The following KALRN variants were observed in gnomAD, a reference collection of about 807,000 sequenced individuals.
The protein encoded by KALRN is kalirin.
A neutral mutation model predicts 353.7 loss-of-function variants in KALRN; 70 were observed. The ratio of observed to expected loss-of-function variants is 0.20; its 90% CI spans 0.16 to 0.24. The LOEUF (loss-of-function observed/expected upper bound fraction) is 0.24. Among genes scored for constraint, KALRN ranks in the 10% least tolerant of loss-of-function variants. The pLI, the probability that KALRN is intolerant of heterozygous loss-of-function variation, is 1.00. For synonymous variants in KALRN, 1,391 were observed against 1,434.8 expected, an observed-to-expected ratio of 0.97 and a Z score of 0.69; for missense variants, 2,791 against 3,756.7, an observed-to-expected ratio of 0.74 and a Z score of 6.72.
chr3:124,491,562 G>A (rs2063162371), intron 31 of KALRN, 138 bp downstream of exon 31: 1 of 485,892 alleles, frequency 2.1e-6, no homozygotes, highest in Non-Finnish European at 3.5e-6. Flanking sequence ...CATCACGTGG[G>A]CATTGAGAAG....
intron 6 of KALRN, among the ~76,000 whole-genome samples, chr3:124,321,283 T>C (rs2079311598): frequency 6.6e-6 from 1 of 152,244 alleles, no homozygotes; most frequent in Non-Finnish European, 1.5e-5. Context: ...CTCTTGGCAA[T>C]GATCTTCTCT....
At chr3:124,168,097 A>C (rs1200535914) in intron 1 of KALRN, among the ~76,000 whole-genome samples, 1 of 152,216 alleles carries the variant, frequency 6.6e-6, no homozygotes, top group African/African-American at 2.4e-5. Context: ...GGTTTCCAAA[A>C]GTACTGAGGT....
intron 37 of KALRN, among the ~76,000 whole-genome samples, chr3:124,637,978 A>ATAGC (rs1278775211): frequency 2.0e-5 from 3 of 152,152 alleles, no homozygotes; most frequent in African/African-American, 7.2e-5. Context: ...CCCTTTTTGG[A>ATAGC]TAGCTCATTA....
rs56410073 is a variant in KALRN at position 124,719,341 on chromosome 3, C to A, written c.8832C>A (p.Ser2944Arg). The A allele has an allele frequency of 6.2e-7, 1 of 1,614,212 alleles. No homozygotes were observed. Among genetic ancestry groups the A allele is most frequent in the African/African-American group, 1.3e-5 (1 of 75,058 alleles). Residue 2944 changes from serine to arginine, a missense_variant, in exon 60 of 60, where the codon AGC (serine) becomes AGA (arginine). By Grantham distance (110) the Ser-to-Arg change is moderately radical (BLOSUM62 -1). Around this residue, in one of 11 missense-constraint regions of KALRN, gnomAD observed 188 missense variants for 402.9 expected, o/e 0.47. Coordinates refer to ENST00000682506, the MANE Select transcript of KALRN (RefSeq NM_001388419.1). The surrounding 1 kb of genome is among the most constrained non-coding windows in gnomAD (Gnocchi z 5.3). ...CATGGCTGCAGCCCCATAATGGCAG[C>A]TACTCTAAGATCCCCCTGGACACCT... ...QHPWLQPHNGSYSKIPLDTSR... is the reference protein window; with the variant it reads ...QHPWLQPHNGRYSKIPLDTSR...
chr3:124,710,621 TA>T (rs2062844342), intron 57 of KALRN, among the ~76,000 whole-genome samples: 1 of 152,050 alleles, frequency 6.6e-6, no homozygotes, highest in South Asian at 2.1e-4. Flanking sequence ...ATCCTGTCTC[TA>T]CAAAAAAATA....
At chr3:124,623,335 A>C (rs1425224377) in intron 34 of KALRN, among the ~76,000 whole-genome samples, 2 of 150,066 alleles carry the variant, frequency 1.3e-5, no homozygotes, top group East Asian at 3.9e-4. Flanking sequence ...TAATTGTATT[A>C]GTCAGAGTTC....
intron 34 of KALRN, among the ~76,000 whole-genome samples, chr3:124,568,678 T>TAAC (rs1457762688): frequency 1.3e-5 from 2 of 152,220 alleles, no homozygotes; most frequent in Non-Finnish European, 2.9e-5. Context: ...TAGGAAATTC[T>TAAC]AACACATGCC....
intron 14 of KALRN, among the ~76,000 whole-genome samples, chr3:124,420,824 T>G (rs910858855): frequency 3.3e-5 from 5 of 152,232 alleles, no homozygotes; most frequent in African/African-American, 1.2e-4. Flanking sequence ...TTCCTTATAC[T>G]TCCCCAACTA....
chr3:124,223,426 A>G (rs1333227093), intron 1 of KALRN, among the ~76,000 whole-genome samples: 1 of 152,188 alleles, frequency 6.6e-6, no homozygotes, highest in Admixed American at 6.5e-5. Flanking sequence ...TGAAGTAGAA[A>G]GAGAAGGCAG....
chr3:124,065,190 T>C (rs138531545), intron 1 of KALRN, among the ~76,000 whole-genome samples: 2 of 152,150 alleles, frequency 1.3e-5, no homozygotes, highest in African/African-American at 4.8e-5. Flanking sequence ...AGGAAAAGCA[T>C]AGAAGGAGCA....
chr3:124,366,912 G>A (rs1329681523), intron 10 of KALRN, among the ~76,000 whole-genome samples: 14 of 139,580 alleles, frequency 1.0e-4, no homozygotes, highest in Admixed American at 4.1e-4. Context: ...CCCGGATGGG[G>A]TGGCTGGCCG....
intron 22 of KALRN, 124 bp downstream of exon 22, chr3:124,455,483 G>A (rs2059217978): frequency 3.0e-6 from 3 of 987,514 alleles, no homozygotes; most frequent in Non-Finnish European, 4.4e-6. Flanking sequence ...GACTCCTAGA[G>A]CGCTTGACTT....
intron 13 of KALRN, among the ~76,000 whole-genome samples, chr3:124,405,656 T>G (rs1191582996): frequency 6.8e-6 from 1 of 146,878 alleles, no homozygotes; most frequent in African/African-American, 2.5e-5. Flanking sequence ...TTTTTTTTTT[T>G]TTTTTTTGAC....
intron 14 of KALRN, among the ~76,000 whole-genome samples, chr3:124,416,184 A>G (rs1276440113): frequency 6.6e-6 from 1 of 152,186 alleles, no homozygotes; most frequent in Non-Finnish European, 1.5e-5. Context: ...TCCAGCAGGA[A>G]AAGGAGGCTT....
intron 10 of KALRN, among the ~76,000 whole-genome samples, chr3:124,354,567 G>A (rs559806223): frequency 2.0e-5 from 3 of 152,170 alleles, no homozygotes; most frequent in Non-Finnish European, 4.4e-5. Flanking sequence ...CATAGAAAAA[G>A]AGTGTTATAA....
At chr3:124,576,979 A>G (rs1167555580) in intron 34 of KALRN, among the ~76,000 whole-genome samples, 1 of 152,136 alleles carries the variant, frequency 6.6e-6, no homozygotes, top group African/African-American at 2.4e-5. Flanking sequence ...AGCTGCAGCC[A>G]TCTTTCACTT....
At chr3:124,260,305 C>G (rs2072656033) in intron 3 of KALRN, among the ~76,000 whole-genome samples, 1 of 152,202 alleles carries the variant, frequency 6.6e-6, no homozygotes, top group African/African-American at 2.4e-5. Context: ...TTGTTGGACT[C>G]CTTTGAGCTC....
At chr3:124,589,950 C>G (rs1043513134) in intron 34 of KALRN, among the ~76,000 whole-genome samples, 5 of 152,182 alleles carry the variant, frequency 3.3e-5, no homozygotes, top group African/African-American at 1.2e-4. Context: ...CTACTGTATG[C>G]TTTTGCGATA....
At chr3:124,279,954 G>C (rs1272508502) in intron 5 of KALRN, among the ~76,000 whole-genome samples, 1 of 152,204 alleles carries the variant, frequency 6.6e-6, no homozygotes, top group African/African-American at 2.4e-5. Context: ...TCCTGGGAAT[G>C]TCTGCAGTTG....
Sources: gnomAD v4.1 joint callset for allele counts (sites outside exome capture counted in the v4.1 genomes callset) on GRCh38, gnomAD v4.1.1 for gene constraint, gnomAD v4.1.1 regional missense constraint, Gnocchi (gnomAD v3.1) non-coding constraint, MANE v1.5 for transcripts, NCBI Gene and HGNC (gene_info 2026-07-23, HGNC 2026-07-21) for gene names.